Variants in SLC25A46 observed in about 807,000 individuals in gnomAD.
SLC25A46 encodes solute carrier family 25 member 46.
Under a neutral mutation model 44.6 loss-of-function variants are expected in SLC25A46, and 39 were observed. That is an observed-to-expected ratio of 0.87 (90% confidence interval 0.68 to 1.14). The LOEUF (loss-of-function observed/expected upper bound fraction) is 1.14. Ranked by LOEUF, SLC25A46 falls within the 50% of genes most tolerant of loss-of-function variation. The probability of loss-of-function intolerance (pLI) is 0.00; values close to 1 mark genes in which losing one functional copy is unlikely to be tolerated. For missense variants in SLC25A46, 547 were observed against 522.7 expected (o/e 1.05, Z -0.45); for synonymous variants, 202 against 185.8 (o/e 1.09, Z -0.71).
chr5:110,752,621 A>G (rs2150413686), intron 5 of SLC25A46, among the ~76,000 whole-genome samples: 1 of 152,304 alleles, frequency 6.6e-6, no homozygotes, highest in African/African-American at 2.4e-5. Context: ...TTTAAACACA[A>G]TGAAATCTTC....
chr5:110,753,513 G>A (rs1024713014), intron 5 of SLC25A46: 2 of 151,798 alleles, frequency 1.3e-5, no homozygotes, highest in Non-Finnish European at 2.9e-5. Context: ...ATTAGGGAGG[G>A]CATTTTTTGC....
intron 3 of SLC25A46, chr5:110,745,873 T>G (rs1304400343): frequency 6.5e-6 from 1 of 154,776 alleles, no homozygotes; most frequent in Non-Finnish European, 1.4e-5. Context: ...TTTCACATAA[T>G]AAATATTGTT....
chr5:110,740,359 T>A (rs1316660976), intron 1 of SLC25A46, among the ~76,000 whole-genome samples: 1 of 152,168 alleles, frequency 6.6e-6, no homozygotes, highest in Non-Finnish European at 1.5e-5. Context: ...GACTAACGAA[T>A]GTCTAGTGAG....
intron 7 of SLC25A46, among the ~76,000 whole-genome samples, chr5:110,760,035 C>G (rs959047176): frequency 6.6e-6 from 1 of 152,114 alleles, no homozygotes; most frequent in Non-Finnish European, 1.5e-5. Flanking sequence ...GTACCTTTTT[C>G]TGTAATTTCT....
At position 110,761,438 on chromosome 5, in the gene SLC25A46, C is replaced by G; in HGVS notation, c.913C>G (p.Pro305Ala). Residue 305 changes from proline to alanine, a missense_variant, in exon 8 of 8, where the codon CCT becomes GCT. Coordinates refer to ENST00000355943, the MANE Select transcript of SLC25A46 (RefSeq NM_138773.4). The surrounding 1 kb of genome is among the most constrained non-coding windows in gnomAD (Gnocchi z 5.3). ...YNSHLAESTS[P>A]VQSMLDAYFP... The stretch of plus-strand genomic sequence containing the variant: ...TAGCCACCTAGCTGAGAGCACTAGC[C>G]CTGTGCAGAGTATGTTGGATGCTTA... 6.2e-7 allele frequency: 1 copy of G among 1,613,684 alleles called. No individual in the cohort carries two copies.
intron 5 of SLC25A46, among the ~76,000 whole-genome samples, chr5:110,752,475 T>A (rs1244134597): frequency 2.0e-5 from 3 of 152,154 alleles, no homozygotes; most frequent in Non-Finnish European, 4.4e-5. Context: ...TGTGGTTCAG[T>A]CTCTCACAAA....
chr5:110,748,963 GT>G (rs1799887261), intron 5 of SLC25A46, among the ~76,000 whole-genome samples: 1 of 152,132 alleles, frequency 6.6e-6, no homozygotes, highest in Non-Finnish European at 1.5e-5. Context: ...TCAAATGGCA[GT>G]ATAAAATAAA....
chr5:110,740,815 G>T (rs896188040), intron 1 of SLC25A46, among the ~76,000 whole-genome samples: 1 of 152,150 alleles, frequency 6.6e-6, no homozygotes, highest in Non-Finnish European at 1.5e-5. Context: ...AGCCGGGCGT[G>T]GTGGCGGATG....
At chr5:110,747,243 A>G (rs150596085) in intron 4 of SLC25A46, among the ~76,000 whole-genome samples, 5 of 152,290 alleles carry the variant, frequency 3.3e-5, no homozygotes, top group Non-Finnish European at 5.9e-5. Flanking sequence ...TGAAATAATT[A>G]TGGTATATTA....
Position 110,742,031 on chromosome 5 carries a change from T to C in SLC25A46, c.284-16T>C, listed in dbSNP as rs781438244. Reference sequence around the variant, plus strand: ...CAGTAATCTTATTTTTTTATTTCTATTTTTTTTTACTTTAGAACAGCTGAA... The same window carrying C: ...CAGTAATCTTATTTTTTTATTTCTACTTTTTTTTACTTTAGAACAGCTGAA... On this transcript the variant is annotated splice_polypyrimidine_tract_variant and intron_variant, in intron 1 of 7. Transcript: ENST00000355943. 7.3e-6 allele frequency: 10 copies of C among 1,367,844 alleles called. No individual in the cohort carries two copies. Among genetic ancestry groups the C allele is most frequent in the African/African-American group, 1.5e-5 (1 of 67,152 alleles). The allele number at this position is 1,367,844 out of a possible 1,614,324, so 84.7% of individuals were successfully genotyped here.
At chr5:110,746,627 G>C (rs1799826855) in intron 4 of SLC25A46, among the ~76,000 whole-genome samples, 1 of 152,176 alleles carries the variant, frequency 6.6e-6, no homozygotes, top group South Asian at 2.1e-4. Context: ...TGAAGATTGT[G>C]CTGCAGTAAG....
Position 110,743,689 on chromosome 5 carries a change from C to A in SLC25A46, c.327-41C>A. The A allele has an allele frequency of 2.6e-6, 3 of 1,132,406 alleles. No individual in the cohort carries two copies. The South Asian group carries it at 5.1e-5, about 19-fold the overall frequency. 70.1% of individuals were successfully genotyped at this position (1,132,406 alleles called of 1,614,324 possible). ...GATACCTGTTGTAAATTTAATTTAT[C>A]TCTATGTAGACATACATATACATAA... On this transcript the variant is annotated intron_variant, in intron 2 of 7. Transcript: ENST00000355943.
At chr5:110,738,210 G>T, upstream of SLC25A46, 2 of 1,286,794 alleles carry the variant, frequency 1.6e-6, no homozygotes, top group Non-Finnish European at 2.0e-6. Context: ...TCTGGGGAGG[G>T]AGCCTGGCCC....
intron 2 of SLC25A46, among the ~76,000 whole-genome samples, chr5:110,742,855 T>C (rs1276640742): frequency 6.6e-6 from 1 of 152,128 alleles, no homozygotes; most frequent in East Asian, 1.9e-4. Flanking sequence ...TAGTCTTGAT[T>C]ATTGTGATCC....
chr5:110,752,116 A>T (rs1389868351), intron 5 of SLC25A46, among the ~76,000 whole-genome samples: 1 of 152,132 alleles, frequency 6.6e-6, no homozygotes, highest in African/African-American at 2.4e-5. Context: ...CGTAACATTT[A>T]CTAGGTAGAA....
chr5:110,755,309 C>T (rs571680002), intron 5 of SLC25A46, 156 bp from the exon 6 acceptor site: 1 of 534,304 alleles, frequency 1.9e-6, no homozygotes, highest in African/African-American at 2.0e-5. Context: ...GTTGTTTACA[C>T]TGTGTTCTAG....
intron 1 of SLC25A46, 144 bp from the exon 2 acceptor site, chr5:110,741,903 C>A (rs575750569): frequency 1.7e-6 from 1 of 601,904 alleles, no homozygotes; most frequent in South Asian, 2.2e-5. Context: ...TTACCTGGCC[C>A]CTATCAGAAT....
Position 110,739,098 on chromosome 5 carries a change from G to A in SLC25A46, c.-22G>A, listed in dbSNP as rs889277279. On this transcript the variant is annotated 5_prime_UTR_variant, in exon 1 of 8. Coordinates refer to ENST00000355943, the MANE Select transcript of SLC25A46 (RefSeq NM_138773.4). ...GTGGTGGTGGGCTCCGGGCGGGCTC[G>A]CGTCATCCTGCCCCCGCTGCGATGC... The A allele has an allele frequency of 1.3e-6, 2 of 1,542,098 alleles. No individual in the cohort carries two copies. The highest frequency in any genetic ancestry group is 1.4e-5 in the African/African-American group (1 of 72,854).
At position 110,761,291 on chromosome 5, in the gene SLC25A46, A is replaced by C; in HGVS notation, c.766A>C (p.Lys256Gln). 2 of 1,613,784 alleles carry C rather than the reference A, an allele frequency of 1.2e-6. No individual in the cohort carries two copies. The highest frequency in any genetic ancestry group is 1.7e-6 in the Non-Finnish European group (2 of 1,179,776). The change falls in exon 8 of 8, where the codon AAA becomes CAA. Residue 256 changes from lysine to glutamine, a missense_variant. Physicochemically the swap from Lys to Gln is moderately conservative, Grantham distance 53. Coordinates refer to ENST00000355943, the MANE Select transcript of SLC25A46 (RefSeq NM_138773.4). This position sits in a 1 kb window ranked among gnomAD's most constrained non-coding sequence, Gnocchi z 5.3. ...GATAGGCATGGGAGTGCCTCATAGC[A>C]AACGACTTCTTCCGCTTCTTTCCTT... ...RVIGMGVPHS[K>Q]RLLPLLSLIF...
Sources: allele counts gnomAD v4.1 joint callset (sites outside exome capture counted in the v4.1 genomes callset), GRCh38; gene constraint gnomAD v4.1.1; non-coding constraint Gnocchi (gnomAD v3.1); transcripts MANE v1.5; gene names NCBI Gene and HGNC (gene_info 2026-07-23, HGNC 2026-07-21).